The following RAG1 variants were observed in gnomAD, a reference collection of about 807,000 sequenced individuals.
RAG1 encodes recombination activating 1.
RAG1 carries 35 observed loss-of-function variants against 62.7 expected under a neutral mutation model. The ratio of observed to expected loss-of-function variants is 0.56; its 90% CI spans 0.43 to 0.74. The LOEUF is 0.74. Ranked by LOEUF, RAG1 falls within the 30% of genes least tolerant of loss-of-function variation. The pLI is 0.00. For missense variants in RAG1, 1,169 were observed against 1,278.6 expected, an observed-to-expected ratio of 0.91 and a Z score of 1.31; for synonymous variants, 461 against 470.3, an observed-to-expected ratio of 0.98 and a Z score of 0.26.
intron 2 of RAG1, among the ~76,000 whole-genome samples, chr11:36,523,230 G>A (rs1314438824): frequency 6.6e-6 from 1 of 152,198 alleles, no homozygotes; most frequent in Non-Finnish European, 1.5e-5. Flanking sequence ...CACGTGTTAT[G>A]GGAAGGACCT....
chr11:36,537,849 T>C (rs556539831), downstream of RAG1, among the ~76,000 whole-genome samples: 47 of 152,356 alleles, frequency 3.1e-4, no homozygotes, highest in South Asian at 9.1e-3. Flanking sequence ...TCACTTATCC[T>C]ATAGTATCTA....
intron 1 of RAG1, among the ~76,000 whole-genome samples, chr11:36,514,939 G>C (rs536293714): frequency 6.6e-6 from 1 of 152,300 alleles, no homozygotes; most frequent in South Asian, 2.1e-4. Flanking sequence ...TATTGCAAAG[G>C]CCCTAAAGCT....
At chr11:36,536,675 A>G (rs1317206373), downstream of RAG1, among the ~76,000 whole-genome samples, 1 of 151,560 alleles carries the variant, frequency 6.6e-6, no homozygotes, top group Non-Finnish European at 1.5e-5. Flanking sequence ...GGATGAGGAT[A>G]TATAAAGTAA....
intron 3 of RAG1, among the ~76,000 whole-genome samples, chr11:36,562,903 C>T (rs1229410775): frequency 6.6e-6 from 1 of 152,006 alleles, no homozygotes; most frequent in African/African-American, 2.4e-5. Flanking sequence ...TTGTGTGATC[C>T]AATTCCCATA....
intron 3 of RAG1, among the ~76,000 whole-genome samples, chr11:36,557,425 C>G (rs951704150): frequency 1.4e-5 from 2 of 143,150 alleles, no homozygotes; most frequent in East Asian, 4.0e-4. Context: ...ACTCCCTGAC[C>G]CCTTGCGCTT....
chr11:36,531,038 G>A (rs1335557948), intron 2 of RAG1, among the ~76,000 whole-genome samples: 3 of 131,366 alleles, frequency 2.3e-5, no homozygotes, highest in Non-Finnish European at 4.8e-5. Flanking sequence ...TAGAATTGTT[G>A]CATCATCTTG....
intron 2 of RAG1, among the ~76,000 whole-genome samples, chr11:36,535,381 T>C (rs889226731): frequency 5.9e-5 from 9 of 152,186 alleles, no homozygotes; most frequent in Admixed American, 2.0e-4. Context: ...GTCAGCATTT[T>C]TAAAAAATAG....
chr11:36,574,338 A>C lies in RAG1; in HGVS notation c.1034A>C (p.Lys345Thr). The C allele has an allele frequency of 6.2e-7, 1 of 1,614,206 alleles. No homozygotes were observed. Among genetic ancestry groups the C allele is most frequent in the Non-Finnish European group, 8.5e-7 (1 of 1,180,018 alleles). Residue 345 changes from lysine to threonine, a missense_variant, in exon 2 of 2, where the codon AAG (lysine) becomes ACG (threonine). Around this residue, in one of 2 missense-constraint regions of RAG1, gnomAD observed 800 missense variants for 943.3 expected, o/e 0.85. Transcript: ENST00000299440. ...CFPTDLESPV[K>T]SFLSVLNSLM... ...CCTACTGACCTGGAGAGTCCAGTGA[A>C]GTCCTTTCTGAGCGTCTTGAATTCC...
At chr11:36,563,912 T>G (rs115977457), upstream of RAG1, among the ~76,000 whole-genome samples, 3,395 of 152,308 alleles carry the variant, frequency 0.022, 124 homozygotes, top group African/African-American at 0.076. Flanking sequence ...TTGAGAAAGC[T>G]TATTCCCCAA....
At position 36,576,749 on chromosome 11, in the gene RAG1, A is replaced by G; in HGVS notation, c.*313A>G. On this transcript the variant is annotated 3_prime_UTR_variant, in exon 2 of 2. Coordinates refer to ENST00000299440, the MANE Select transcript of RAG1 (RefSeq NM_000448.3). The stretch of plus-strand genomic sequence containing the variant: ...GTGTGTGTTGGGGAGCTGTCATGTA[A>G]ATCAAAGCCAAGGTTGTCAAAGAAC... The G allele has an allele frequency of 8.8e-6, 3 of 342,778 alleles. No homozygotes were observed. Among genetic ancestry groups the G allele is most frequent in the Non-Finnish European group, 1.7e-5 (3 of 176,762 alleles). The allele number at this position is 342,778 out of a possible 1,614,324, so 21.2% of individuals were successfully genotyped here.
In RAG1 at chr11:36,576,568, T is replaced by C; in HGVS notation, c.*132T>C. ...CAAGAGGTGGTAGGTTGGAGTAAGATGCTACAGATGCTCTCAAGTCAGGAA... is the reference window on the plus strand; with the variant it reads ...CAAGAGGTGGTAGGTTGGAGTAAGACGCTACAGATGCTCTCAAGTCAGGAA... On this transcript the variant is annotated 3_prime_UTR_variant, in exon 2 of 2. Coordinates refer to ENST00000299440, the MANE Select transcript of RAG1 (RefSeq NM_000448.3). 1.9e-6 allele frequency: 2 copies of C among 1,035,262 alleles called. No individual in the cohort carries two copies. The highest frequency in any genetic ancestry group is 2.8e-5 in the South Asian group (2 of 71,664). The allele number at this position is 1,035,262 out of a possible 1,614,324, so 64.1% of individuals were successfully genotyped here.
At chr11:36,512,223 C>G (rs1163366503) in intron 1 of RAG1, among the ~76,000 whole-genome samples, 4 of 152,180 alleles carry the variant, frequency 2.6e-5, no homozygotes, top group Non-Finnish European at 5.9e-5. Context: ...CATATCATTC[C>G]TAGGTCAAAG....
At chr11:36,565,315 T>C (rs1454939705), upstream of RAG1, among the ~76,000 whole-genome samples, 2 of 152,046 alleles carry the variant, frequency 1.3e-5, no homozygotes, top group African/African-American at 4.8e-5. Flanking sequence ...TTTGAAAAGG[T>C]CTCTTAAAAG....
chr11:36,548,953 A>G (rs1170739490), intron 3 of RAG1, among the ~76,000 whole-genome samples: 2 of 151,786 alleles, frequency 1.3e-5, no homozygotes, highest in Non-Finnish European at 2.9e-5. Flanking sequence ...AAACGGAAGC[A>G]TTAGAAATAA....
Position 36,573,303 on chromosome 11 carries a change from G to A in RAG1, c.-2G>A. ...TCATTGTTCTCAGGTACCTCAGCCA[G>A]CATGGCAGCCTCTTTCCCACCCACC... On this transcript the variant is annotated 5_prime_UTR_variant, in exon 2 of 2. Transcript: ENST00000299440. The A allele has an allele frequency of 6.2e-7, 1 of 1,614,130 alleles. No homozygotes were observed.
chr11:36,538,519 C>T (rs114475068), downstream of RAG1, among the ~76,000 whole-genome samples: 6,531 of 152,236 alleles, frequency 0.043, 436 homozygotes, highest in African/African-American at 0.15. Flanking sequence ...GTACACTTTG[C>T]AGGTTCCTTT....
intron 1 of RAG1, among the ~76,000 whole-genome samples, chr11:36,513,534 A>G (rs1350465965): frequency 1.3e-5 from 2 of 152,210 alleles, no homozygotes; most frequent in South Asian, 2.1e-4. Context: ...TGAAGATGGT[A>G]TTTATGCCCA....
At chr11:36,522,482 G>T (rs974514872) in intron 2 of RAG1, among the ~76,000 whole-genome samples, 2 of 152,256 alleles carry the variant, frequency 1.3e-5, no homozygotes, top group African/African-American at 4.8e-5. Flanking sequence ...GTATGGAAAC[G>T]CCTGGATGCC....
chr11:36,572,593 G>T (rs1358762829), intron 1 of RAG1, among the ~76,000 whole-genome samples: 1 of 152,166 alleles, frequency 6.6e-6, no homozygotes, highest in Non-Finnish European at 1.5e-5. Context: ...CAGGTTTAGA[G>T]TTCCGTGTTT....
Sources: gnomAD v4.1 joint callset for allele counts (sites outside exome capture counted in the v4.1 genomes callset) on GRCh38, gnomAD v4.1.1 for gene constraint, gnomAD v4.1.1 regional missense constraint, MANE v1.5 for transcripts, NCBI Gene and HGNC (gene_info 2026-07-23, HGNC 2026-07-21) for gene names.